The following PCDHGA4 variants were observed in gnomAD, a reference collection of about 807,000 sequenced individuals.
The protein encoded by PCDHGA4 is protocadherin gamma-A4.
Under a neutral mutation model 54.6 loss-of-function variants are expected in PCDHGA4, and 38 were observed. The ratio of observed to expected loss-of-function variants is 0.70; its 90% confidence interval spans 0.54 to 0.91. The LOEUF (loss-of-function observed/expected upper bound fraction) is 0.91. PCDHGA4 is among the 40% of genes least tolerant of loss of function. PCDHGA4 has a pLI of 0.00. For missense variants in PCDHGA4, 1,298 were observed against 1,220.9 expected (o/e 1.06, Z -0.94); for synonymous variants, 511 against 512.9 (o/e 1.00, Z 0.05).
At chr5:141,391,305 T>G (rs2092341171) in intron 1 of PCDHGA4, 1 of 151,546 alleles carries the variant, frequency 6.6e-6, no homozygotes, top group Non-Finnish European at 1.5e-5. Context: ...GTCTTTCGAT[T>G]CTTTTTTTTT....
chr5:141,388,525 C>T (rs780990884), intron 1 of PCDHGA4: 2 of 1,613,854 alleles, frequency 1.2e-6, no homozygotes, highest in Non-Finnish European at 8.5e-7. Flanking sequence ...ACTTTGACTG[C>T]CTTGGACTTT....
chr5:141,391,821 T>G (rs2092426299), intron 1 of PCDHGA4: 1 of 152,220 alleles, frequency 6.6e-6, no homozygotes, highest in African/African-American at 2.4e-5. Flanking sequence ...GTAGGTAAAG[T>G]TAATTTTAGA....
At chr5:141,395,815 A>T (rs1243382510) in intron 1 of PCDHGA4, 1 of 152,044 alleles carries the variant, frequency 6.6e-6, no homozygotes, top group Non-Finnish European at 1.5e-5. Context: ...AAACATGAAC[A>T]AACTTTAAAG....
At chr5:141,413,065 T>A (rs2095601710) in intron 1 of PCDHGA4, 2 of 1,159,986 alleles carry the variant, frequency 1.7e-6, no homozygotes, top group African/African-American at 3.1e-5. Flanking sequence ...CTCCAGAATT[T>A]AAAGTGCCCA....
At chr5:141,434,223 A>G (rs1164673241) in intron 1 of PCDHGA4, among the ~76,000 whole-genome samples, 1 of 152,214 alleles carries the variant, frequency 6.6e-6, no homozygotes, top group Non-Finnish European at 1.5e-5. Context: ...TAAACAAAGT[A>G]CGATTTCTGG....
rs781026604 is a variant in PCDHGA4, at chr5:141,490,471, C to A, written c.2515-4336C>A. The A allele has an allele frequency of 6.2e-7, 1 of 1,614,214 alleles. No individual in the cohort carries two copies. The highest frequency in any genetic ancestry group is 1.1e-5 in the South Asian group (1 of 91,088). On this transcript the variant is annotated intron_variant, in intron 1 of 3. Transcript: ENST00000571252. This position sits in a 1 kb window ranked among gnomAD's most constrained non-coding sequence, Gnocchi z 5.4. ...CCACTACTCGCTGCTAACCAGCCAGCCTTTGGACCGGGAGGCCACATCCCA... is the reference window on the plus strand; with the variant it reads ...CCACTACTCGCTGCTAACCAGCCAGACTTTGGACCGGGAGGCCACATCCCA...
chr5:141,391,000 T>C (rs2092286539), intron 1 of PCDHGA4: 1 of 152,230 alleles, frequency 6.6e-6, no homozygotes, highest in Admixed American at 6.5e-5. Flanking sequence ...TTCAAGCTCA[T>C]TCTATATCCT....
intron 1 of PCDHGA4, chr5:141,478,712 G>A (rs1160573848): frequency 3.2e-6 from 5 of 1,547,048 alleles, no homozygotes; most frequent in Non-Finnish European, 4.4e-6. Flanking sequence ...TTTGTGAGAT[G>A]GTGGCCTGCC....
chr5:141,471,893 T>G (rs1289667371), intron 1 of PCDHGA4, among the ~76,000 whole-genome samples: 1 of 152,166 alleles, frequency 6.6e-6, no homozygotes, highest in African/African-American at 2.4e-5. Flanking sequence ...CTAGGAAGAT[T>G]GACTACAGAC....
intron 1 of PCDHGA4, among the ~76,000 whole-genome samples, chr5:141,456,882 G>A (rs1039329600): frequency 6.6e-6 from 1 of 152,156 alleles, no homozygotes; most frequent in Non-Finnish European, 1.5e-5. Context: ...AGAATCGCTT[G>A]AACCCGGGAG....
chr5:141,368,549 A>T (rs928426629), intron 1 of PCDHGA4, among the ~76,000 whole-genome samples: 5 of 152,138 alleles, frequency 3.3e-5, no homozygotes, highest in Non-Finnish European at 5.9e-5. Context: ...CATTTTTTTT[A>T]AAAGAAAATG....
intron 1 of PCDHGA4, chr5:141,388,233 T>C (rs924261107): frequency 1.2e-6 from 2 of 1,608,114 alleles, no homozygotes; most frequent in South Asian, 1.1e-5. Flanking sequence ...ACTGAACTTT[T>C]ATCACGTGAA....
intron 1 of PCDHGA4, chr5:141,413,227 G>A (rs552225139): frequency 1.9e-5 from 30 of 1,613,938 alleles, no homozygotes; most frequent in Non-Finnish European, 2.5e-5. Flanking sequence ...CAGCGGGCTG[G>A]TCCTGCTCTG....
At chr5:141,495,052 CTGTT>C (rs1406995321) in intron 2 of PCDHGA4, among the ~76,000 whole-genome samples, 187 bp downstream of exon 2, 1 of 152,190 alleles carries the variant, frequency 6.6e-6, no homozygotes, top group Non-Finnish European at 1.5e-5. Context: ...ACTGCCCTGA[CTGTT>C]CAGGAAGCTC....
intron 1 of PCDHGA4, among the ~76,000 whole-genome samples, chr5:141,358,328 A>G (rs1257521000): frequency 1.3e-5 from 2 of 152,318 alleles, no homozygotes; most frequent in East Asian, 1.9e-4. Flanking sequence ...TCATGAAGCT[A>G]TTGTTGGATC....
At chr5:141,409,559 G>A (rs1421541308) in intron 1 of PCDHGA4, 1 of 1,613,936 alleles carries the variant, frequency 6.2e-7, no homozygotes, top group Admixed American at 1.7e-5. Context: ...CCCAGTTTTC[G>A]ACCAGACGTC....
intron 1 of PCDHGA4, among the ~76,000 whole-genome samples, chr5:141,469,289 A>G (rs2154570270): frequency 6.6e-6 from 1 of 151,932 alleles, no homozygotes; most frequent in South Asian, 2.1e-4. Flanking sequence ...AAAATAAAAC[A>G]AAATAGACTG....
Position 141,432,267 on chromosome 5 carries a change from C to T in PCDHGA4, c.2515-62540C>T, listed in dbSNP as rs746089276. 4.3e-6 allele frequency: 7 copies of T among 1,614,244 alleles called. No homozygotes were observed. On this transcript the variant is annotated intron_variant, in intron 1 of 3. Transcript: ENST00000571252. The surrounding 1 kb of genome is among the most constrained non-coding windows in gnomAD (Gnocchi z 6.0). ...ACCATCCAAGGGGCAAGCCTATCGT[C>T]CTACGTGTCCATCAACTCCGACACT...
Position 141,485,209 on chromosome 5 carries a change from G to T in PCDHGA4, c.2515-9598G>T, listed in dbSNP as rs2099609420. The T allele has an allele frequency of 6.2e-7, 1 of 1,614,032 alleles. No individual in the cohort carries two copies. Among genetic ancestry groups the T allele is most frequent in the African/African-American group, 1.3e-5 (1 of 74,938 alleles). On this transcript the variant is annotated intron_variant, in intron 1 of 3. Transcript: ENST00000571252. This position sits in a 1 kb window ranked among gnomAD's most constrained non-coding sequence, Gnocchi z 5.7. Reference sequence around the variant, plus strand: ...AGGTGAGAAGCTGGACAGAAATCTGGCGGTGGGCTACCCTTTTGTTCCTCT... The same window carrying T: ...AGGTGAGAAGCTGGACAGAAATCTGTCGGTGGGCTACCCTTTTGTTCCTCT...
Sources: gnomAD v4.1 joint callset for allele counts (sites outside exome capture counted in the v4.1 genomes callset) on GRCh38, gnomAD v4.1.1 for gene constraint, Gnocchi (gnomAD v3.1) non-coding constraint, MANE v1.5 for transcripts, NCBI Gene and HGNC (gene_info 2026-07-23, HGNC 2026-07-21) for gene names.